ICAM3: variants seen among roughly 807,000 people sequenced by gnomAD.
ICAM3 encodes ICAM-3.
In ICAM3, 54 loss-of-function variants were observed where a neutral mutation model predicts 43.6. The observed-to-expected ratio is 1.24, with a 90% CI of 0.99 to 1.55. The LOEUF (loss-of-function observed/expected upper bound fraction) is 1.55, where lower values mean the gene tolerates loss of function less well. Ranked by LOEUF, ICAM3 falls within the 40% of genes most tolerant of loss-of-function variation. The probability of loss-of-function intolerance (pLI) is 0.00; values close to 1 mark genes in which losing one functional copy is unlikely to be tolerated. For synonymous variants in ICAM3, 306 were observed against 312.6 expected (o/e 0.98, Z 0.22); for missense variants, 715 against 717.9 (o/e 1.00, Z 0.05).
At position 10,335,180 on chromosome 19, in the gene ICAM3, T is replaced by C. The variant is rs376684785; in HGVS notation, c.823A>G (p.Thr275Ala). Residue 275 changes from threonine (T) to alanine (A), a missense_variant, in exon 4 of 7, where the codon ACG (threonine) becomes GCG (alanine). Thr to Ala is a moderately conservative substitution (Grantham distance 58). Transcript: ENST00000160262. The stretch of plus-strand genomic sequence containing the variant: ...CGCGCCGTGGCTGTGGCTGTGGCCG[T>C]TAGCGTGTCCCCGTGGTTCATGACT... ...ATVMNHGDTL[T>A]ATATATARAD... is the part of the protein sequence containing the mutation. The C allele has an allele frequency of 9.3e-6, 15 of 1,613,702 alleles. No individual in the cohort carries two copies. The highest frequency in any genetic ancestry group is 1.3e-5 in the Non-Finnish European group (15 of 1,179,996).
rs370694366 is a variant in ICAM3, at chr19:10,334,441, A to G, written c.1193-33T>C. 2.5e-6 allele frequency: 4 copies of G among 1,612,628 alleles called. No individual in the cohort carries two copies. The highest frequency in any genetic ancestry group is 1.7e-5 in the Admixed American group (1 of 59,956). ...ACCACCATGTGTGATCAGACACCCA[A>G]CACACCCGAGGCACAGTGGTGCAGA... is the stretch of plus-strand genomic sequence containing the variant. On this transcript the variant is annotated intron_variant, in intron 5 of 6. Transcript: ENST00000160262. This position sits in a 1 kb window ranked among gnomAD's most constrained non-coding sequence, Gnocchi z 5.5.
In ICAM3 at chr19:10,334,624, C is replaced by G. The variant is rs2040565172; in HGVS notation, c.1096G>C (p.Glu366Gln). ...QPAQLQLNATESDDGRSFFCS... is the reference protein window; with the variant it reads ...QPAQLQLNATQSDDGRSFFCS... ...AAGAAGCTGCGTCCGTCGTCACTCT[C>G]GGTAGCATTTAGCTGAAGTTGAGCT... is the stretch of plus-strand genomic sequence containing the variant. Residue 366 changes from glutamate to glutamine, a missense_variant, in exon 5 of 7, where the codon GAG becomes CAG. Physicochemically the swap from Glu to Gln is conservative, Grantham distance 29. Coordinates refer to ENST00000160262, the MANE Select transcript of ICAM3 (RefSeq NM_002162.5). This position sits in a 1 kb window ranked among gnomAD's most constrained non-coding sequence, Gnocchi z 5.5. 1.2e-6 allele frequency: 2 copies of G among 1,613,578 alleles called. No homozygotes were observed. The highest frequency in any genetic ancestry group is 1.7e-6 in the Non-Finnish European group (2 of 1,180,034).
Position 10,339,552 on chromosome 19 carries a change from A to G in ICAM3, c.63T>C (p.Cys21=). The change falls in exon 1 of 7, where the codon TGT becomes TGC. Residue 21 remains cysteine (C), a synonymous_variant. Transcript: ENST00000160262. Reference sequence around the variant, plus strand: ...GACTGGTCTCACCTGGGGTCAGCAGACAGCAGACCAGCAGAGTCCAGCAGG... The same window carrying G: ...GACTGGTCTCACCTGGGGTCAGCAGGCAGCAGACCAGCAGAGTCCAGCAGG... ...PRACWTLLVC[C]LLTPGVQGQE... The G allele has an allele frequency of 2.5e-6, 4 of 1,613,896 alleles. No homozygotes were observed. Among genetic ancestry groups the G allele is most frequent in the Non-Finnish European group, 3.4e-6 (4 of 1,179,864 alleles).
intron 3 of ICAM3, 68 bp from the exon 4 acceptor site, chr19:10,335,421 C>T: frequency 1.4e-6 from 2 of 1,407,394 alleles, no homozygotes; most frequent in Non-Finnish European, 1.9e-6. Flanking sequence ...CTCATCCCCC[C>T]CAGTCAGGAT....
Position 10,335,111 on chromosome 19 carries a change from G to C in ICAM3, c.892C>G (p.Leu298Val), listed in dbSNP as rs1414121382. ...GAREIVCNVT[L>V]GGERREAREN... ...CGGGCCTCCCGTCTCTCGCCCCCTA[G>C]GGTCACGTTGCAGACGATCTCCCGG... Residue 298 changes from leucine to valine, a missense_variant, in exon 4 of 7, where the codon CTA (leucine) becomes GTA (valine). Leu to Val is a conservative substitution (Grantham distance 32). Transcript: ENST00000160262. 14 of 1,613,666 alleles carry C rather than the reference G, an allele frequency of 8.7e-6. No individual in the cohort carries two copies. The East Asian group carries it at 8.9e-5, about 10-fold the overall frequency.
Position 10,333,918 on chromosome 19 carries a change from A to T in ICAM3, c.1583T>A (p.Leu528Gln). ...SYHVREESTY[L>Q]PLTSMQPTEA... ...TGTCGGCTGCATAGACGTGAGGGGCAGATAGGTGCTCTCCTCCCTAACATG... is the reference window on the plus strand; with the variant it reads ...TGTCGGCTGCATAGACGTGAGGGGCTGATAGGTGCTCTCCTCCCTAACATG... Residue 528 changes from leucine to glutamine, a missense_variant, in exon 7 of 7, where the codon CTG (leucine) becomes CAG (glutamine). Transcript: ENST00000160262. The surrounding 1 kb of genome is among the most constrained non-coding windows in gnomAD (Gnocchi z 4.2). 1 of 1,614,148 alleles carries T rather than the reference A, an allele frequency of 6.2e-7. No individual in the cohort carries two copies. The highest frequency in any genetic ancestry group is 8.5e-7 in the Non-Finnish European group (1 of 1,180,030).
Position 10,338,711 on chromosome 19 carries a change from A to G in ICAM3, c.314T>C (p.Ile105Thr). Residue 105 changes from isoleucine (I) to threonine (T), a missense_variant, in exon 2 of 7, where the codon ATA becomes ACA. Ile to Thr is a moderately conservative substitution (Grantham distance 89, BLOSUM62 -1). Transcript: ENST00000160262. ...CACGGTGATGTTAGAGGAGCCTGTT[A>G]TCTGAGAGCCATTGCAGTACACTGA... ...LCSVYCNGSQ[I>T]TGSSNITVYR... 6.2e-7 allele frequency: 1 copy of G among 1,614,110 alleles called. No homozygotes were observed. Among genetic ancestry groups the G allele is most frequent in the Non-Finnish European group, 8.5e-7 (1 of 1,180,012 alleles).
At chr19:10,338,371 C>T (rs2040619961) in intron 2 of ICAM3, among the ~76,000 whole-genome samples, 1 of 151,060 alleles carries the variant, frequency 6.6e-6, no homozygotes, top group African/African-American at 2.4e-5. Flanking sequence ...CCACTGCACT[C>T]CAGCCTAGGC....
chr19:10,334,111 C>T lies in ICAM3; in HGVS notation c.1441+49G>A, dbSNP rs750748908. The T allele has an allele frequency of 2.5e-6, 4 of 1,608,342 alleles. No homozygotes were observed. The highest frequency in any genetic ancestry group is 2.2e-5 in the East Asian group (1 of 44,784). On this transcript the variant is annotated intron_variant, in intron 6 of 6. Coordinates refer to ENST00000160262, the MANE Select transcript of ICAM3 (RefSeq NM_002162.5). This position sits in a 1 kb window ranked among gnomAD's most constrained non-coding sequence, Gnocchi z 5.5. The stretch of plus-strand genomic sequence containing the variant: ...ATGCGTCCCTTCTGTCTCCAACCCC[C>T]CCGCCCCCCGGCTTACCGGTCCAGA...
rs371551673 is a variant in ICAM3 at position 10,335,201 on chromosome 19, T to G, written c.802A>C (p.Met268Leu). ...GCCGTTAGCGTGTCCCCGTGGTTCATGACTGTCGCATTCAGCATCTGGTCC... is the reference window on the plus strand; with the variant it reads ...GCCGTTAGCGTGTCCCCGTGGTTCAGGACTGTCGCATTCAGCATCTGGTCC... Reference protein sequence around the residue: ...LGDQMLNATVMNHGDTLTATA... With the variant: ...LGDQMLNATVLNHGDTLTATA... The change falls in exon 4 of 7, where the codon ATG becomes CTG. Residue 268 changes from methionine to leucine, a missense_variant. Met to Leu is a conservative substitution (Grantham distance 15). Transcript: ENST00000160262. The G allele has an allele frequency of 3.0e-5, 48 of 1,613,762 alleles. No homozygotes were observed. The highest frequency in any genetic ancestry group is 3.7e-5 in the Non-Finnish European group (44 of 1,180,032).
Position 10,335,150 on chromosome 19 carries a change from C to CCG in ICAM3, c.851_852dup (p.Asp285ArgfsTer13). The CCG allele has an allele frequency of 6.2e-7, 1 of 1,613,814 alleles. No homozygotes were observed. Among genetic ancestry groups the CCG allele is most frequent in the Non-Finnish European group, 8.5e-7 (1 of 1,180,004 alleles). Reference sequence around the variant, plus strand: ...ACGATCTCCCGGGCACCCTCCTGATCCGCGCGCGCCGTGGCTGTGGCTGTG... The same window carrying CCG: ...ACGATCTCCCGGGCACCCTCCTGATCCGCGCGCGCGCCGTGGCTGTGGCTGTG... On this transcript the variant is annotated frameshift_variant, in exon 4 of 7. Coordinates refer to ENST00000160262, the MANE Select transcript of ICAM3 (RefSeq NM_002162.5). LOFTEE classifies it high-confidence loss of function.
chr19:10,335,889 C>A lies in ICAM3; in HGVS notation c.431G>T (p.Gly144Val). ...NFTLRCQVED[G>V]SPRTSLTVVL... ...CACCGTGAGGCTGGTCCGGGGCGAC[C>A]CATCCTCCACTTGGCAGCGCAGGGT... The change falls in exon 3 of 7, where the codon GGG becomes GTG. Residue 144 changes from glycine (G) to valine (V), a missense_variant. Gly to Val is a moderately radical substitution (Grantham distance 109). Transcript: ENST00000160262. The A allele has an allele frequency of 1.2e-6, 2 of 1,603,588 alleles. No homozygotes were observed. Among genetic ancestry groups the A allele is most frequent in the East Asian group, 2.2e-5 (1 of 44,614 alleles).
chr19:10,338,716 A>G lies in ICAM3; in HGVS notation c.309T>C (p.Ser103=), dbSNP rs2304240. Residue 103 remains serine, a synonymous_variant, in exon 2 of 7, where the codon TCT becomes TCC. Coordinates refer to ENST00000160262, the MANE Select transcript of ICAM3 (RefSeq NM_002162.5). ...RILCSVYCNG[S]QITGSSNITV... The stretch of plus-strand genomic sequence containing the variant: ...TGATGTTAGAGGAGCCTGTTATCTG[A>G]GAGCCATTGCAGTACACTGAGCAGA... 1,339,880 of 1,613,748 alleles carry G rather than the reference A, an allele frequency of 0.83. 558,442 individuals carry two copies. The highest frequency in any genetic ancestry group is 0.92 in the African/African-American group (68,811 of 75,032).
At chr19:10,339,418 A>G (rs2040632901) in intron 1 of ICAM3, 121 bp downstream of exon 1, 1 of 835,704 alleles carries the variant, frequency 1.2e-6, no homozygotes, top group Non-Finnish European at 1.9e-6. Context: ...CCGAGGATAC[A>G]GAGTCAGCGG....
chr19:10,334,954 G>C lies in ICAM3; in HGVS notation c.937+112C>G. 1 of 1,479,746 alleles carries C rather than the reference G, an allele frequency of 6.8e-7. No individual in the cohort carries two copies. The highest frequency in any genetic ancestry group is 2.1e-5 in the Admixed American group (1 of 48,664). The allele number at this position is 1,479,746 out of a possible 1,614,324, so 91.7% of individuals were successfully genotyped here. ...CTTCGGGCACTCAGGCCCAACCCAC[G>C]TTGCAACTGCTATTGGGGCAAGCCA... On this transcript the variant is annotated intron_variant, in intron 4 of 6. Coordinates refer to ENST00000160262, the MANE Select transcript of ICAM3 (RefSeq NM_002162.5). The surrounding 1 kb of genome is among the most constrained non-coding windows in gnomAD (Gnocchi z 5.5).
chr19:10,334,166 T>C lies in ICAM3; in HGVS notation c.1435A>G (p.Ile479Val). Residue 479 changes from isoleucine to valine, a missense_variant, in exon 6 of 7, where the codon ATT becomes GTT. Physicochemically the swap from Ile to Val is conservative, Grantham distance 29. Coordinates refer to ENST00000160262, the MANE Select transcript of ICAM3 (RefSeq NM_002162.5). This position sits in a 1 kb window ranked among gnomAD's most constrained non-coding sequence, Gnocchi z 5.5. ...CAGCCCCGTGTTAGCTCACCCTCAA[T>C]GTCCATCACCACGACCAGGGTGTAT... ...GKYTLVVVMD[I>V]EAGSSHFVPV... 6.5e-7 allele frequency: 1 copy of C among 1,530,110 alleles called. No homozygotes were observed. The highest frequency in any genetic ancestry group is 2.5e-5 in the East Asian group (1 of 40,590). The allele number at this position is 1,530,110 out of a possible 1,614,324, so 94.8% of individuals were successfully genotyped here.
rs993049349 is a variant in ICAM3, at chr19:10,334,137, C to T, written c.1441+23G>A. The T allele has an allele frequency of 1.2e-6, 2 of 1,603,282 alleles. No homozygotes were observed. The highest frequency in any genetic ancestry group is 3.3e-5 in the Admixed American group (2 of 59,924). ...CCGCCCCCCGGCTTACCGGTCCAGA[C>T]CCGCAGCCCCGTGTTAGCTCACCCT... On this transcript the variant is annotated intron_variant, in intron 6 of 6. Transcript: ENST00000160262. The surrounding 1 kb of genome is among the most constrained non-coding windows in gnomAD (Gnocchi z 5.5).
At position 10,334,884 on chromosome 19, in the gene ICAM3, G is replaced by A; in HGVS notation, c.938-102C>T. The A allele has an allele frequency of 1.4e-6, 2 of 1,469,670 alleles. No homozygotes were observed. Among genetic ancestry groups the A allele is most frequent in the South Asian group, 1.4e-5 (1 of 73,846 alleles). The allele number at this position is 1,469,670 out of a possible 1,614,324, so 91.0% of individuals were successfully genotyped here. A position where few individuals can be genotyped will look rare whatever the true frequency, so the allele number is the denominator to read the frequency against. ...TTTCCTCTCGGGATATCCGGGCCAC[G>A]CTTTCGGCCGTTCAAGCCTCGCCCT... On this transcript the variant is annotated intron_variant, in intron 4 of 6. Coordinates refer to ENST00000160262, the MANE Select transcript of ICAM3 (RefSeq NM_002162.5). This position sits in a 1 kb window ranked among gnomAD's most constrained non-coding sequence, Gnocchi z 5.5.
intron 2 of ICAM3, among the ~76,000 whole-genome samples, chr19:10,338,320 T>C (rs1250251086): frequency 6.7e-6 from 1 of 149,984 alleles, no homozygotes. Context: ...GGAGAATCAC[T>C]TGAACCCAGG....
Sources: allele counts gnomAD v4.1 joint callset (sites outside exome capture counted in the v4.1 genomes callset), GRCh38; gene constraint gnomAD v4.1.1; non-coding constraint Gnocchi (gnomAD v3.1); transcripts MANE v1.5; gene names NCBI Gene and HGNC (gene_info 2026-07-23, HGNC 2026-07-21).